Variants in ADCYAP1 observed in about 807,000 individuals in gnomAD.
ADCYAP1 encodes the protein pituitary adenylate cyclase-activating polypeptide.
ADCYAP1 carries 6 observed loss-of-function variants against 18.5 expected under a neutral mutation model. The observed-to-expected ratio is 0.32, with a 90% CI of 0.18 to 0.64. ADCYAP1 has a LOEUF of 0.64. Among genes scored for constraint, ADCYAP1 ranks in the 30% least tolerant of loss-of-function variants. ADCYAP1 has a pLI of 0.77. For missense variants in ADCYAP1, 314 were observed against 253.6 expected, an observed-to-expected ratio of 1.24 and a Z score of -1.62; for synonymous variants, 136 against 113.9, an observed-to-expected ratio of 1.19 and a Z score of -1.24.
intron 1 of ADCYAP1, 83 bp downstream of exon 1, chr18:905,143 C>A: frequency 7.2e-7 from 1 of 1,387,120 alleles, no homozygotes; most frequent in Non-Finnish European, 9.4e-7. Flanking sequence ...GGGGAGTTAG[C>A]TTTCCTTCAG....
intron 4 of ADCYAP1, among the ~76,000 whole-genome samples, chr18:908,646 C>T (rs1386286713): frequency 6.6e-6 from 1 of 152,200 alleles, no homozygotes; most frequent in Non-Finnish European, 1.5e-5. Context: ...TCATCCAAAA[C>T]CTTCAGGCTT....
At chr18:907,927 C>G (rs1007555392) in intron 3 of ADCYAP1, 137 bp downstream of exon 3, 17 of 1,344,340 alleles carry the variant, frequency 1.3e-5, no homozygotes, top group Admixed American at 3.5e-5. Context: ...CTCCCTGGCC[C>G]GATCCTATTG....
chr18:905,761 A>G (rs1169897944), intron 2 of ADCYAP1: 18 of 496,936 alleles, frequency 3.6e-5, no homozygotes, highest in Admixed American at 7.2e-5. Context: ...GCCGCTGGAG[A>G]ACCCCCCCTC....
intron 4 of ADCYAP1, 123 bp from the exon 5 acceptor site, chr18:909,323 G>A: frequency 1.1e-6 from 1 of 908,486 alleles, no homozygotes; most frequent in Non-Finnish European, 1.6e-6. Flanking sequence ...CGACGCGGTG[G>A]GCAGTGCGAG....
intron 2 of ADCYAP1, among the ~76,000 whole-genome samples, chr18:906,968 CCCGTGTGCCTGGCACTTTCT>C (rs1909191077): frequency 6.6e-6 from 1 of 152,240 alleles, no homozygotes; most frequent in Non-Finnish European, 1.5e-5. Context: ...TTTTCAAGTT[CCCGTGTGCCTGGCACTTTCT>C]CCGTGCGAGA....
intron 1 of ADCYAP1, 63 bp downstream of exon 1, chr18:905,123 C>G: frequency 7.3e-6 from 10 of 1,369,852 alleles, no homozygotes; most frequent in Non-Finnish European, 9.5e-6. Flanking sequence ...TTTCGCTTGG[C>G]ATCGCGTCAG....
upstream of ADCYAP1, chr18:904,498 C>A (rs1479304302): frequency 7.8e-7 from 1 of 1,289,038 alleles, no homozygotes; most frequent in Admixed American, 2.3e-5. Context: ...TTGCGAACTG[C>A]ACAGATAAAT....
intron 2 of ADCYAP1, 118 bp downstream of exon 2, chr18:905,614 C>T: frequency 1.7e-6 from 2 of 1,201,254 alleles, no homozygotes; most frequent in Non-Finnish European, 2.3e-6. Context: ...CCTCTGCGCC[C>T]CCGGTGCGCC....
At position 911,331 on chromosome 18, in the gene ADCYAP1, C is replaced by G. The variant is rs543742180; in HGVS notation, c.*1696C>G. The stretch of plus-strand genomic sequence containing the variant: ...AGCAATCAGATCGAGCAGCAACAGA[C>G]AAACCAGCCAGCCAATCTCCCAAAT... On this transcript the variant is annotated 3_prime_UTR_variant, in exon 5 of 5. Transcript: ENST00000450565. 3 of 148,330 alleles carry G rather than the reference C, an allele frequency of 2.0e-5. No homozygotes were observed. The East Asian group carries it at 6.0e-4, about 30-fold the overall frequency. 9.2% of individuals were successfully genotyped at this position (148,330 alleles called of 1,614,324 possible).
At chr18:909,178 G>A (rs1382723445) in intron 4 of ADCYAP1, among the ~76,000 whole-genome samples, 2 of 152,254 alleles carry the variant, frequency 1.3e-5, no homozygotes, top group Admixed American at 1.3e-4. Context: ...TAGGCTTGAA[G>A]CGCGCGTCGC....
chr18:908,945 A>G (rs1046712900), intron 4 of ADCYAP1, among the ~76,000 whole-genome samples: 11 of 152,172 alleles, frequency 7.2e-5, no homozygotes, highest in African/African-American at 2.7e-4. Flanking sequence ...GTCGACTTAT[A>G]TTATTATCAC....
chr18:905,465 G>T lies in ADCYAP1; in HGVS notation c.79G>T (p.Ala27Ser). The change falls in exon 2 of 5, where the codon GCC (alanine) becomes TCC (serine). Residue 27 changes from alanine (A) to serine (S), a missense_variant. Transcript: ENST00000450565. ...GCACAGCAGCGTCTACAGCTCACCTGCCGCCGCCGGACTCCGGTTCCCCGG... is the reference window on the plus strand; with the variant it reads ...GCACAGCAGCGTCTACAGCTCACCTTCCGCCGCCGGACTCCGGTTCCCCGG... The part of the protein sequence containing the change: ...IMHSSVYSSP[A>S]AAGLRFPGIR... 1 of 1,610,164 alleles carries T rather than the reference G, an allele frequency of 6.2e-7. No homozygotes were observed.
chr18:905,873 G>A (rs1014631346), intron 2 of ADCYAP1: 22 of 260,140 alleles, frequency 8.5e-5, no homozygotes, highest in African/African-American at 4.9e-4. Flanking sequence ...CTGGAGCCTG[G>A]CCGGGGGTTG....
chr18:911,988 C>G lies in ADCYAP1; in HGVS notation c.*2353C>G, dbSNP rs541482158. 1.3e-4 allele frequency: 20 copies of G among 152,122 alleles called. No homozygotes were observed. The highest frequency in any genetic ancestry group is 1.6e-4 in the Non-Finnish European group (11 of 68,034). The allele number at this position is 152,122 out of a possible 1,614,324, so 9.4% of individuals were successfully genotyped here. A position where few individuals can be genotyped will look rare whatever the true frequency, so the allele number is the denominator to read the frequency against. ...TGCCAAGAGCCTTACTAAACTGAAG[C>G]AGATTTATGATATAGTGATAATTTA... On this transcript the variant is annotated 3_prime_UTR_variant, in exon 5 of 5. Transcript: ENST00000450565.
intron 2 of ADCYAP1, 40 bp from the exon 3 acceptor site, chr18:907,619 C>T: frequency 6.4e-7 from 1 of 1,564,148 alleles, no homozygotes; most frequent in Non-Finnish European, 8.6e-7. Flanking sequence ...TGGGGAGGAA[C>T]TTGCACTGAC....
Position 909,509 on chromosome 18 carries a change from G to T in ADCYAP1, c.405G>T (p.Gly135=), listed in dbSNP as rs779297397. The stretch of plus-strand genomic sequence containing the variant: ...CGCTCTCCAAGCGCCACTCGGACGG[G>T]ATCTTCACGGACAGCTACAGCCGCT... ...AEPLSKRHSD[G]IFTDSYSRYR... The change falls in exon 5 of 5, where the codon GGG becomes GGT. Residue 135 remains glycine (G), a synonymous_variant. Transcript: ENST00000450565. 2.5e-6 allele frequency: 4 copies of T among 1,613,960 alleles called. No individual in the cohort carries two copies. The highest frequency in any genetic ancestry group is 3.4e-6 in the Non-Finnish European group (4 of 1,180,004).
In ADCYAP1 at chr18:909,492, A is replaced by G; in HGVS notation, c.388A>G (p.Lys130Glu). The G allele has an allele frequency of 6.2e-7, 1 of 1,613,486 alleles. No individual in the cohort carries two copies. Among genetic ancestry groups the G allele is most frequent in the Non-Finnish European group, 8.5e-7 (1 of 1,179,924 alleles). Residue 130 changes from lysine (K) to glutamate (E), a missense_variant, in exon 5 of 5, where the codon AAG becomes GAG. Physicochemically the swap from Lys to Glu is moderately conservative, Grantham distance 56. Coordinates refer to ENST00000450565, the MANE Select transcript of ADCYAP1 (RefSeq NM_001099733.2). ...GAGDDAEPLSKRHSDGIFTDS... is the reference protein window; with the variant it reads ...GAGDDAEPLSERHSDGIFTDS... ...GGGGGACGACGCGGAGCCGCTCTCC[A>G]AGCGCCACTCGGACGGGATCTTCAC... is the stretch of plus-strand genomic sequence containing the variant.
Position 911,933 on chromosome 18 carries a change from C to G in ADCYAP1, c.*2298C>G, listed in dbSNP as rs1909402605. On this transcript the variant is annotated 3_prime_UTR_variant, in exon 5 of 5. Coordinates refer to ENST00000450565, the MANE Select transcript of ADCYAP1 (RefSeq NM_001099733.2). ...TTGCAAGCATTTTACAGTGATCACC[C>G]AGTTTAATCTTTTGTATACTTTTTA... 6.6e-6 allele frequency: 1 copy of G among 152,178 alleles called. No individual in the cohort carries two copies. The highest frequency in any genetic ancestry group is 1.9e-4 in the East Asian group (1 of 5,174). The allele number at this position is 152,178 out of a possible 1,614,324, so 9.4% of individuals were successfully genotyped here.
chr18:905,797 G>T (rs1360550999), intron 2 of ADCYAP1: 39 of 471,540 alleles, frequency 8.3e-5, no homozygotes, highest in African/African-American at 1.4e-4. Flanking sequence ...CAGGATGGGG[G>T]CAGGGCACGG....
Sources: gnomAD v4.1 joint callset for allele counts (sites outside exome capture counted in the v4.1 genomes callset) on GRCh38, gnomAD v4.1.1 for gene constraint, MANE v1.5 for transcripts, NCBI Gene and HGNC (gene_info 2026-07-23, HGNC 2026-07-21) for gene names.